Variants in SPAG7 observed in about 807,000 individuals in gnomAD.
SPAG7 encodes the protein sperm-associated antigen 7.
A neutral mutation model predicts 30.6 loss-of-function variants in SPAG7; 20 were observed. The observed-to-expected ratio is 0.65, with a 90% CI of 0.46 to 0.95. The LOEUF is 0.95. SPAG7 is among the 40% of genes least tolerant of loss of function. The probability of loss-of-function intolerance (pLI) is 0.00; values close to 1 mark genes in which losing one functional copy is unlikely to be tolerated. For synonymous variants in SPAG7, 127 were observed against 104.2 expected (o/e 1.22, Z -1.33); for missense variants, 276 against 291.1 (o/e 0.95, Z 0.38).
chr17:4,967,637 A>G, intron 1 of SPAG7, 83 bp downstream of exon 1: 1 of 1,065,164 alleles, frequency 9.4e-7, no homozygotes, highest in Non-Finnish European at 1.5e-6. Flanking sequence ...TTCAAGGTTG[A>G]GGAGGCGGCA....
intron 2 of SPAG7, 45 bp downstream of exon 2, chr17:4,960,741 G>A (rs1286794999): frequency 1.3e-6 from 2 of 1,575,192 alleles, no homozygotes; most frequent in East Asian, 2.2e-5. Context: ...TAACTTATTG[G>A]AAGTCCTTCC....
intron 4 of SPAG7, 24 bp from the exon 5 acceptor site, chr17:4,960,135 G>T: frequency 6.2e-7 from 1 of 1,603,556 alleles, no homozygotes; most frequent in Non-Finnish European, 8.5e-7. Context: ...GAATGATGGG[G>T]TCAGAGTCCA....
In SPAG7 at chr17:4,960,258, A is replaced by T; in HGVS notation, c.303T>A (p.Cys101Ter). 6.2e-7 allele frequency: 1 copy of T among 1,614,188 alleles called. No individual in the cohort carries two copies. The highest frequency in any genetic ancestry group is 8.5e-7 in the Non-Finnish European group (1 of 1,180,010). The change falls in exon 4 of 7, where the codon TGT becomes TGA. Residue 101 changes from cysteine to a stop codon, truncating the protein, a stop_gained. Coordinates refer to ENST00000206020, the MANE Select transcript of SPAG7 (RefSeq NM_004890.3). LOFTEE classifies it high-confidence loss of function. ...TSFSFGEDDD[C>*]RYVMIFKKEF... ...CCTTTTTGAAGATCATGACATAGCGACAGTCATCATCTTCCCCAAAGGAGA... is the reference window on the plus strand; with the variant it reads ...CCTTTTTGAAGATCATGACATAGCGTCAGTCATCATCTTCCCCAAAGGAGA...
Position 4,967,683 on chromosome 17 carries a change from G to A in SPAG7, c.85+37C>T, listed in dbSNP as rs756385699. On this transcript the variant is annotated intron_variant, in intron 1 of 6. Transcript: ENST00000206020. ...AGGGAGAAGTATGGTCCCGAGAACC[G>A]GGCGAAGGAAGGCGGTTGTGAATTT... is the stretch of plus-strand genomic sequence containing the variant. 54 of 1,513,282 alleles carry A rather than the reference G, an allele frequency of 3.6e-5. No homozygotes were observed. In the East Asian group the frequency reaches 4.5e-4, roughly 13 times the overall value. The allele number at this position is 1,513,282 out of a possible 1,614,324, so 93.7% of individuals were successfully genotyped here. A position where few individuals can be genotyped will look rare whatever the true frequency, so the allele number is the denominator to read the frequency against.
intron 1 of SPAG7, chr17:4,966,629 A>G: frequency 4.1e-6 from 4 of 985,362 alleles, no homozygotes; most frequent in Middle Eastern, 1.0e-3. Context: ...CTCACTGCAG[A>G]TTGGGGGAGA....
intron 1 of SPAG7, chr17:4,967,264 C>T (rs1971975183): frequency 2.0e-5 from 20 of 997,508 alleles, no homozygotes; most frequent in Admixed American, 5.5e-5. Context: ...AATTCGCAGG[C>T]TGGGGTGGTT....
At chr17:4,967,464 C>T (rs1040040629) in intron 1 of SPAG7, among the ~76,000 whole-genome samples, 2 of 152,158 alleles carry the variant, frequency 1.3e-5, no homozygotes, top group African/African-American at 2.4e-5. Flanking sequence ...GCGGGACGGC[C>T]GGCTAATGGG....
At chr17:4,960,599 C>T in intron 2 of SPAG7, 52 bp from the exon 3 acceptor site, 1 of 1,488,396 alleles carries the variant, frequency 6.7e-7, no homozygotes, top group Non-Finnish European at 9.3e-7. Flanking sequence ...CACCCAAGTA[C>T]CCCTCTCCCT....
rs1469236822 is a variant in SPAG7 at position 4,959,754 on chromosome 17, C to T, written c.574+6G>A. On this transcript the variant is annotated splice_donor_region_variant and intron_variant, in intron 6 of 6. Transcript: ENST00000206020. ...CCAGCCACCCCCAGCCGCACTGTGG[C>T]CTCACCACAGCCGTAGGTCTTATTG... 3 of 1,614,180 alleles carry T rather than the reference C, an allele frequency of 1.9e-6. No homozygotes were observed. Among genetic ancestry groups the T allele is most frequent in the African/African-American group, 1.3e-5 (1 of 75,060 alleles).
chr17:4,966,495 T>TA (rs1189546233), intron 1 of SPAG7: 1 of 762,898 alleles, frequency 1.3e-6, no homozygotes, highest in East Asian at 1.3e-4. Context: ...ATCGGAGCAT[T>TA]AGAGAATTCC....
intron 1 of SPAG7, 115 bp from the exon 2 acceptor site, chr17:4,960,968 G>T (rs1971852616): frequency 1.1e-6 from 1 of 870,222 alleles, no homozygotes; most frequent in African/African-American, 1.7e-5. Context: ...GGGAAGGTAG[G>T]ATTAGCGTTT....
chr17:4,964,115 G>C (rs1971908015), intron 1 of SPAG7, among the ~76,000 whole-genome samples: 1 of 152,092 alleles, frequency 6.6e-6, no homozygotes, highest in Admixed American at 6.6e-5. Flanking sequence ...TCAGCTGTGA[G>C]TCCCCTCGCC....
chr17:4,964,513 C>T (rs982690387), intron 1 of SPAG7, among the ~76,000 whole-genome samples: 2 of 151,756 alleles, frequency 1.3e-5, no homozygotes, highest in African/African-American at 2.4e-5. Flanking sequence ...AGGCGCCCGC[C>T]ACCACGCCTG....
At chr17:4,959,686 C>T (rs761589110) in intron 6 of SPAG7, 43 bp from the exon 7 acceptor site, 1 of 1,613,360 alleles carries the variant, frequency 6.2e-7, no homozygotes. Flanking sequence ...GAAATCCGTA[C>T]CTCAGCCTCC....
chr17:4,960,940 A>C (rs551668856), intron 1 of SPAG7, 87 bp from the exon 2 acceptor site: 1 of 1,153,538 alleles, frequency 8.7e-7, no homozygotes, highest in South Asian at 1.2e-5. Flanking sequence ...TGTGGTGTCC[A>C]CTGGGAGGTG....
chr17:4,960,392 C>T, intron 3 of SPAG7, 67 bp downstream of exon 3: 3 of 1,596,280 alleles, frequency 1.9e-6, no homozygotes, highest in Non-Finnish European at 8.6e-7. Flanking sequence ...TGGAGGAGCC[C>T]CCCGCTGGCC....
intron 1 of SPAG7, 82 bp from the exon 2 acceptor site, chr17:4,960,935 T>C (rs1971851746): frequency 8.2e-6 from 10 of 1,225,970 alleles, no homozygotes; most frequent in Non-Finnish European, 1.2e-5. Flanking sequence ...TGAAGTGTGG[T>C]GTCCACTGGG....
chr17:4,959,505 C>A lies in SPAG7; in HGVS notation c.*29G>T. 6.3e-7 allele frequency: 1 copy of A among 1,586,756 alleles called. No homozygotes were observed. On this transcript the variant is annotated 3_prime_UTR_variant, in exon 7 of 7. Transcript: ENST00000206020. ...TCTCTCCCTGCCCCCTGCCCTGCCC[C>A]AGGGGTCAAAGGGAGCTGGGCGGGG...
At chr17:4,967,337 GA>G in intron 1 of SPAG7, 1 of 570,568 alleles carries the variant, frequency 1.8e-6, no homozygotes, top group Non-Finnish European at 2.4e-6. Flanking sequence ...CAATAGAGAT[GA>G]AGGCACAGTA....
Sources: gnomAD v4.1 joint callset for allele counts (sites outside exome capture counted in the v4.1 genomes callset) on GRCh38, gnomAD v4.1.1 for gene constraint, MANE v1.5 for transcripts, NCBI Gene and HGNC (gene_info 2026-07-23, HGNC 2026-07-21) for gene names.